DOCK10: variants seen among roughly 807,000 people sequenced by gnomAD.
The protein encoded by DOCK10 is dedicator of cytokinesis protein 10.
A neutral mutation model predicts 280.1 loss-of-function variants in DOCK10; 145 were observed. That is an observed-to-expected ratio of 0.52 (90% CI 0.45 to 0.59). The LOEUF (loss-of-function observed/expected upper bound fraction) is 0.59. Ranked by LOEUF, DOCK10 falls within the 20% of genes least tolerant of loss-of-function variation. The pLI, the probability that DOCK10 is intolerant of heterozygous loss-of-function variation, is 0.00. For missense variants in DOCK10, 2,368 were observed against 2,651.7 expected (o/e 0.89, Z 2.35); for synonymous variants, 915 against 942.2 (o/e 0.97, Z 0.53).
intron 34 of DOCK10, 28 bp downstream of exon 34, chr2:224,806,098 A>G (rs1296081137): frequency 1.5e-6 from 2 of 1,356,950 alleles, no homozygotes; most frequent in African/African-American, 1.5e-5. Context: ...AGTGTTAAAA[A>G]TAAGTGTTCT....
intron 33 of DOCK10, chr2:224,807,424 A>T (rs1362701397): frequency 9.3e-6 from 3 of 323,792 alleles, no homozygotes. Context: ...AAAGCTGGAA[A>T]GAATTGGAAG....
intron 1 of DOCK10, among the ~76,000 whole-genome samples, chr2:224,934,595 C>G (rs1341550449): frequency 2.6e-5 from 4 of 152,208 alleles, no homozygotes; most frequent in Non-Finnish European, 5.9e-5. Context: ...AGCAAGGGAG[C>G]TGCCTGCTCC....
Position 224,770,192 on chromosome 2 carries a change from T to C in DOCK10, c.6444+19A>G. 5.2e-6 allele frequency: 8 copies of C among 1,529,008 alleles called. No homozygotes were observed. The highest frequency in any genetic ancestry group is 7.0e-6 in the Non-Finnish European group (8 of 1,137,628). The allele number at this position is 1,529,008 out of a possible 1,614,324, so 94.7% of individuals were successfully genotyped here. A position where few individuals can be genotyped will look rare whatever the true frequency, so the allele number is the denominator to read the frequency against. ...ACTTTCTGTCCACTGATAGCGCGTG[T>C]GCACCAAGGAGCGCTCACCTGCTCA... On this transcript the variant is annotated intron_variant, in intron 55 of 55. Transcript: ENST00000258390. The surrounding 1 kb of genome is among the most constrained non-coding windows in gnomAD (Gnocchi z 4.5).
intron 4 of DOCK10, among the ~76,000 whole-genome samples, chr2:224,887,960 GGT>G (rs1232839167): frequency 2.0e-5 from 3 of 152,060 alleles, no homozygotes; most frequent in Non-Finnish European, 2.9e-5. Context: ...GGTAACTGTT[GGT>G]GAGAATGTAG....
chr2:224,790,409 GC>G (rs1193919922), intron 47 of DOCK10, among the ~76,000 whole-genome samples: 1 of 152,150 alleles, frequency 6.6e-6, no homozygotes, highest in Non-Finnish European at 1.5e-5. Flanking sequence ...TTTGTAACTG[GC>G]AACTAACTGA....
At chr2:224,906,574 A>G (rs1049704781) in intron 3 of DOCK10, among the ~76,000 whole-genome samples, 2 of 152,010 alleles carry the variant, frequency 1.3e-5, no homozygotes, top group African/African-American at 2.4e-5. Flanking sequence ...CACCTCCTGG[A>G]TTCACGCCAT....
At chr2:224,898,716 A>G (rs1700129048) in intron 3 of DOCK10, among the ~76,000 whole-genome samples, 1 of 152,150 alleles carries the variant, frequency 6.6e-6, no homozygotes, top group Non-Finnish European at 1.5e-5. Flanking sequence ...AGCCAGGACT[A>G]CAGGTGCCCG....
At chr2:224,785,722 C>T (rs897455875) in intron 50 of DOCK10, among the ~76,000 whole-genome samples, 2 of 152,136 alleles carry the variant, frequency 1.3e-5, no homozygotes, top group Admixed American at 6.5e-5. Flanking sequence ...CCTCGTGATC[C>T]GCCCGCCTCA....
chr2:225,035,554 A>AAT (rs1690211675), intron 1 of DOCK10, among the ~76,000 whole-genome samples: 2 of 25,242 alleles, frequency 7.9e-5, no homozygotes, highest in South Asian at 3.3e-3. Context: ...ATATATATAT[A>AAT]TATATATATA....
intron 33 of DOCK10, 179 bp downstream of exon 33, chr2:224,807,489 G>A: frequency 2.0e-6 from 1 of 497,148 alleles, no homozygotes; most frequent in Non-Finnish European, 3.6e-6. Context: ...TGGATCAGGT[G>A]GAGGCTAAAG....
intron 11 of DOCK10, among the ~76,000 whole-genome samples, chr2:224,866,009 G>A (rs529362729): frequency 2.0e-5 from 3 of 152,154 alleles, no homozygotes; most frequent in South Asian, 2.1e-4. Flanking sequence ...GTGTTTTCCC[G>A]AAATGAGGAC....
Position 224,786,119 on chromosome 2 carries a change from C to T in DOCK10, c.5655+903G>A, listed in dbSNP as rs1048676627. ...GCTGAGGCAGGAGAATTGCTTGAAC[C>T]GGGACCCAGGAGGCGGAGGTTGCAG... On this transcript the variant is annotated intron_variant, in intron 50 of 55. Coordinates refer to ENST00000258390, the MANE Select transcript of DOCK10 (RefSeq NM_014689.3). This position sits in a 1 kb window ranked among gnomAD's most constrained non-coding sequence, Gnocchi z 4.7. Among the ~76,000 whole-genome samples, 8 of 152,092 alleles carry T rather than the reference C, an allele frequency of 5.3e-5. No individual in the cohort carries two copies. The highest frequency in any genetic ancestry group is 1.7e-4 in the African/African-American group (7 of 41,422).
intron 1 of DOCK10, among the ~76,000 whole-genome samples, chr2:224,977,196 C>T (rs1705493078): frequency 6.6e-6 from 1 of 152,114 alleles, no homozygotes; most frequent in African/African-American, 2.4e-5. Flanking sequence ...TTTGGCAGTC[C>T]TAAATTTAAA....
At chr2:224,781,531 T>G (rs1030698714) in intron 50 of DOCK10, among the ~76,000 whole-genome samples, 11 of 152,204 alleles carry the variant, frequency 7.2e-5, no homozygotes, top group African/African-American at 2.7e-4. Context: ...GGCTTCAATT[T>G]CAGCTCTGTC....
At chr2:224,845,716 C>T in intron 19 of DOCK10, 74 bp from the exon 20 acceptor site, 2 of 1,394,218 alleles carry the variant, frequency 1.4e-6, no homozygotes, top group Non-Finnish European at 2.0e-6. Flanking sequence ...CAAAGCATAG[C>T]TTTTTAAACA....
At chr2:224,978,771 T>C (rs1247383270) in intron 1 of DOCK10, among the ~76,000 whole-genome samples, 1 of 152,186 alleles carries the variant, frequency 6.6e-6, no homozygotes, top group Non-Finnish European at 1.5e-5. Context: ...TCCAGACATA[T>C]ATGCAACTTC....
chr2:224,916,765 T>C lies in DOCK10; in HGVS notation c.263A>G (p.Asp88Gly), dbSNP rs1701351941. The C allele has an allele frequency of 6.2e-7, 1 of 1,610,386 alleles. No homozygotes were observed. Among genetic ancestry groups the C allele is most frequent in the South Asian group, 1.1e-5 (1 of 90,162 alleles). ...TACTGTTGAGTACAACGTGCGGATA[T>C]CCCAGGAAACTGTGGCTGCCTGAAA... ...DDFSAATVSWDIRTLYSTVPE... is the reference protein window; with the variant it reads ...DDFSAATVSWGIRTLYSTVPE... Residue 88 changes from aspartate (D) to glycine (G), a missense_variant, in exon 3 of 56, where the codon GAT (aspartate) becomes GGT (glycine). Physicochemically the swap from Asp to Gly is moderately conservative, Grantham distance 94. Coordinates refer to ENST00000258390, the MANE Select transcript of DOCK10 (RefSeq NM_014689.3).
At chr2:224,958,076 C>T (rs1389442475) in intron 1 of DOCK10, among the ~76,000 whole-genome samples, 1 of 152,160 alleles carries the variant, frequency 6.6e-6, no homozygotes, top group Admixed American at 6.5e-5. Flanking sequence ...GGAAATGAGT[C>T]TCCTTATCTG....
At chr2:224,960,692 C>T (rs1475914823) in intron 1 of DOCK10, among the ~76,000 whole-genome samples, 3 of 147,934 alleles carry the variant, frequency 2.0e-5, no homozygotes, top group African/African-American at 7.5e-5. Flanking sequence ...TTCAACTTCC[C>T]TTATCCCTTA....
Sources: allele counts gnomAD v4.1 joint callset (sites outside exome capture counted in the v4.1 genomes callset), GRCh38; gene constraint gnomAD v4.1.1; non-coding constraint Gnocchi (gnomAD v3.1); transcripts MANE v1.5; gene names NCBI Gene and HGNC (gene_info 2026-07-23, HGNC 2026-07-21).